Variants in NCKAP5 observed in about 807,000 individuals in gnomAD.
NCKAP5 encodes NCK associated protein 5, also known as nck-associated protein 5.
NCKAP5 carries 92 observed loss-of-function variants against 167.0 expected under a neutral mutation model. That is an observed-to-expected ratio of 0.55 (90% CI 0.47 to 0.66). NCKAP5 has a LOEUF of 0.66. Ranked by LOEUF, NCKAP5 falls within the 30% of genes least tolerant of loss-of-function variation. NCKAP5 has a pLI of 0.00. For missense variants in NCKAP5, 2,378 were observed against 2,315.0 expected (o/e 1.03, Z -0.56); for synonymous variants, 891 against 877.4 (o/e 1.02, Z -0.27).
At chr2:133,612,967 A>C in the NCKAP5 span, among the ~76,000 whole-genome samples, 1 of 152,234 alleles carries the variant, frequency 6.6e-6, no homozygotes. Flanking sequence ...ACTTCCAGGA[A>C]GGAAACTTAC....
intron 6 of NCKAP5, among the ~76,000 whole-genome samples, chr2:133,095,920 T>A (rs1364975398): frequency 6.6e-6 from 1 of 152,176 alleles, no homozygotes; most frequent in Non-Finnish European, 1.5e-5. Flanking sequence ...CTTCTCCCCA[T>A]GCCTCTTTGT....
chr2:132,938,643 C>A (rs1697035562), intron 8 of NCKAP5, among the ~76,000 whole-genome samples: 1 of 152,254 alleles, frequency 6.6e-6, no homozygotes, highest in East Asian at 1.9e-4. Flanking sequence ...AGGAAAATGG[C>A]CAAATGCTTC....
chr2:133,353,435 A>C (rs1247740272), intron 3 of NCKAP5, among the ~76,000 whole-genome samples: 1 of 152,150 alleles, frequency 6.6e-6, no homozygotes, highest in Admixed American at 6.5e-5. Flanking sequence ...GCATTTGCTG[A>C]ATATTGAAGT....
At chr2:132,800,070 G>C (rs1387674304) in intron 11 of NCKAP5, among the ~76,000 whole-genome samples, 1 of 152,136 alleles carries the variant, frequency 6.6e-6, no homozygotes, top group Non-Finnish European at 1.5e-5. Flanking sequence ...ACAGGCATGT[G>C]TGTGTATAGC....
intron 3 of NCKAP5, among the ~76,000 whole-genome samples, chr2:133,395,586 T>C: frequency 6.6e-6 from 1 of 152,198 alleles, no homozygotes; most frequent in East Asian, 1.9e-4. Flanking sequence ...CCTATGTTCA[T>C]CTAAATACCT....
At chr2:133,620,708 G>A in the NCKAP5 span, among the ~76,000 whole-genome samples, 1 of 152,020 alleles carries the variant, frequency 6.6e-6, no homozygotes, top group Non-Finnish European at 1.5e-5. Context: ...CACGAGACAG[G>A]TCATCAAGAT....
At chr2:133,619,905 C>G in the NCKAP5 span, among the ~76,000 whole-genome samples, 1 of 152,228 alleles carries the variant, frequency 6.6e-6, no homozygotes, top group African/African-American at 2.4e-5. Context: ...CAGCAGATTT[C>G]TCAGCAGAAA....
intron 3 of NCKAP5, among the ~76,000 whole-genome samples, chr2:133,442,842 C>T (rs1217665649): frequency 6.6e-6 from 1 of 152,220 alleles, no homozygotes; most frequent in African/African-American, 2.4e-5. Flanking sequence ...GATGGCAAGG[C>T]CTGCTGCCCT....
rs75957519 is a variant in NCKAP5 at position 133,227,459 on chromosome 2, T to C, written c.144-13680A>G. ...TATATACTCTCTGGCTGCCCCATTA[T>C]TGGAGCATATGTTGGCCACTTGTGG... is the stretch of plus-strand genomic sequence containing the variant. On this transcript the variant is annotated intron_variant, in intron 4 of 19. Transcript: ENST00000409261. Among the ~76,000 whole-genome samples the C allele has an allele frequency of 3.9e-3, 594 of 152,328 alleles. 4 individuals are homozygous for C. The highest frequency in any genetic ancestry group is 0.014 in the African/African-American group (564 of 41,576).
chr2:133,095,919 A>G (rs1001115672), intron 6 of NCKAP5, among the ~76,000 whole-genome samples: 10 of 152,230 alleles, frequency 6.6e-5, no homozygotes, highest in Non-Finnish European at 1.5e-4. Context: ...ACTTCTCCCC[A>G]TGCCTCTTTG....
At chr2:133,379,945 T>C (rs533674962) in intron 3 of NCKAP5, among the ~76,000 whole-genome samples, 42 of 152,268 alleles carry the variant, frequency 2.8e-4, no homozygotes, top group African/African-American at 1.0e-3. Flanking sequence ...TGTATGTACA[T>C]AATTGGAAAG....
intron 2 of NCKAP5, among the ~76,000 whole-genome samples, chr2:133,547,694 A>G (rs1686865442): frequency 6.6e-6 from 1 of 150,668 alleles, no homozygotes; most frequent in Non-Finnish European, 1.5e-5. Flanking sequence ...AAACTAACAA[A>G]CAGAAAGGAC....
At chr2:132,838,324 C>T (rs1200818068) in intron 11 of NCKAP5, among the ~76,000 whole-genome samples, 1 of 152,092 alleles carries the variant, frequency 6.6e-6, no homozygotes, top group South Asian at 2.1e-4. Context: ...TCTGCTCCCC[C>T]TCTTCTAAAA....
chr2:133,296,350 C>T (rs1037404474), intron 4 of NCKAP5, among the ~76,000 whole-genome samples: 2 of 152,044 alleles, frequency 1.3e-5, no homozygotes, highest in Admixed American at 1.3e-4. Flanking sequence ...TCCCCACCCC[C>T]ACCGCCAAAC....
chr2:133,586,294 C>A, the NCKAP5 span, among the ~76,000 whole-genome samples: 2 of 152,104 alleles, frequency 1.3e-5, no homozygotes, highest in African/African-American at 4.8e-5. Context: ...TAATGTCCAC[C>A]CTGAACCCTC....
intron 3 of NCKAP5, among the ~76,000 whole-genome samples, chr2:133,325,005 G>A (rs1682333723): frequency 1.3e-5 from 2 of 152,164 alleles, no homozygotes; most frequent in African/African-American, 4.8e-5. Context: ...ACCACGCCCA[G>A]CCTGCCAAGT....
chr2:133,571,997 C>G (rs543132197), upstream of NCKAP5, among the ~76,000 whole-genome samples: 142 of 151,208 alleles, frequency 9.4e-4, 1 homozygote, highest in Non-Finnish European at 8.7e-4. Context: ...AACCCAGAAC[C>G]AAAAACAAAA....
At chr2:132,979,140 G>A (rs979352415) in intron 7 of NCKAP5, among the ~76,000 whole-genome samples, 5 of 152,082 alleles carry the variant, frequency 3.3e-5, no homozygotes, top group Non-Finnish European at 2.9e-5. Context: ...TCTCAGTTTC[G>A]TAACTCTCTA....
chr2:133,264,745 C>A (rs1050409260), intron 4 of NCKAP5, among the ~76,000 whole-genome samples: 1 of 152,142 alleles, frequency 6.6e-6, no homozygotes, highest in Non-Finnish European at 1.5e-5. Flanking sequence ...GAAATCTGGT[C>A]CTTTACAGTC....
Sources: gnomAD v4.1 joint callset for allele counts (sites outside exome capture counted in the v4.1 genomes callset) on GRCh38, gnomAD v4.1.1 for gene constraint, MANE v1.5 for transcripts, NCBI Gene and HGNC (gene_info 2026-07-23, HGNC 2026-07-21) for gene names.